SPOCK3: variants seen among roughly 807,000 people sequenced by gnomAD.
SPOCK3 encodes testican-3.
A neutral mutation model predicts 56.6 loss-of-function variants in SPOCK3; 30 were observed. That is an observed-to-expected ratio of 0.53 (90% CI 0.40 to 0.72). The LOEUF (loss-of-function observed/expected upper bound fraction) is 0.72, where lower values mean the gene tolerates loss of function less well. SPOCK3 is among the 30% of genes least tolerant of loss of function. SPOCK3 has a pLI of 0.00. For synonymous variants in SPOCK3, 196 were observed against 183.3 expected (o/e 1.07, Z -0.56); for missense variants, 527 against 530.0 (o/e 0.99, Z 0.06).
intron 3 of SPOCK3, among the ~76,000 whole-genome samples, chr4:167,055,537 C>A (rs1273199200): frequency 2.6e-5 from 4 of 152,148 alleles, no homozygotes; most frequent in African/African-American, 9.6e-5. Context: ...TCAGGGAGTT[C>A]CCTTTCCTAG....
chr4:167,056,047 C>G (rs1295480373), intron 3 of SPOCK3, among the ~76,000 whole-genome samples: 2 of 152,162 alleles, frequency 1.3e-5, no homozygotes, highest in African/African-American at 4.8e-5. Flanking sequence ...AACTGGGAGG[C>G]ACCCCCCAGT....
intron 3 of SPOCK3, among the ~76,000 whole-genome samples, chr4:167,013,060 G>C (rs533628318): frequency 7.2e-5 from 11 of 151,888 alleles, no homozygotes; most frequent in Non-Finnish European, 1.3e-4. Context: ...TACTTCAGTT[G>C]TATAAAATCC....
chr4:167,202,320 T>C (rs1314494020), intron 2 of SPOCK3, among the ~76,000 whole-genome samples: 1 of 151,984 alleles, frequency 6.6e-6, no homozygotes, highest in African/African-American at 2.4e-5. Context: ...TTGATTAAAG[T>C]AGTATATACA....
chr4:167,006,598 C>T (rs148633450), intron 3 of SPOCK3, among the ~76,000 whole-genome samples: 1 of 152,130 alleles, frequency 6.6e-6, no homozygotes, highest in East Asian at 1.9e-4. Context: ...ATTCGCCTAC[C>T]CAGAAAATCA....
intron 2 of SPOCK3, among the ~76,000 whole-genome samples, chr4:167,201,296 T>A (rs750511774): frequency 4.6e-5 from 7 of 151,992 alleles, no homozygotes; most frequent in Non-Finnish European, 7.4e-5. Context: ...GGATTAAAAC[T>A]TATTTGAAAT....
intron 5 of SPOCK3, among the ~76,000 whole-genome samples, chr4:166,897,383 C>A (rs1283163743): frequency 1.3e-5 from 2 of 151,966 alleles, no homozygotes; most frequent in African/African-American, 4.8e-5. Context: ...GGTAGTGTCT[C>A]CTTCTAGAAG....
At chr4:167,102,736 T>C (rs1212534272) in intron 2 of SPOCK3, among the ~76,000 whole-genome samples, 3 of 151,646 alleles carry the variant, frequency 2.0e-5, no homozygotes, top group African/African-American at 7.3e-5. Context: ...ATCCCAGCGG[T>C]TGAAACGTGG....
At chr4:166,967,777 G>A (rs1297879522) in intron 4 of SPOCK3, among the ~76,000 whole-genome samples, 2 of 152,154 alleles carry the variant, frequency 1.3e-5, no homozygotes, top group African/African-American at 4.8e-5. Context: ...AAATGTGGAG[G>A]CAACTTTGGA....
intron 5 of SPOCK3, among the ~76,000 whole-genome samples, chr4:166,908,798 A>C (rs943947567): frequency 6.6e-6 from 1 of 152,070 alleles, no homozygotes; most frequent in African/African-American, 2.4e-5. Flanking sequence ...TCCATGATCT[A>C]ACATAAATGG....
At chr4:166,953,417 T>G (rs1199933640) in intron 4 of SPOCK3, among the ~76,000 whole-genome samples, 2 of 151,246 alleles carry the variant, frequency 1.3e-5, no homozygotes, top group African/African-American at 2.4e-5. Flanking sequence ...ATGGCGATCA[T>G]TAAAAAGTCA....
chr4:166,844,412 T>C (rs548009778), intron 6 of SPOCK3, among the ~76,000 whole-genome samples: 14 of 152,350 alleles, frequency 9.2e-5, no homozygotes, highest in African/African-American at 3.4e-4. Flanking sequence ...AGATGTTTGA[T>C]AAAACATAAT....
intron 2 of SPOCK3, among the ~76,000 whole-genome samples, chr4:167,181,970 A>G (rs1475243328): frequency 2.0e-5 from 3 of 152,174 alleles, no homozygotes; most frequent in Non-Finnish European, 4.4e-5. Context: ...GATGCTCAAT[A>G]AGGTGTTCAG....
chr4:167,062,654 C>A, intron 2 of SPOCK3, 117 bp from the exon 3 acceptor site: 1 of 659,874 alleles, frequency 1.5e-6, no homozygotes, highest in South Asian at 2.1e-5. Flanking sequence ...CTACTTCCTG[C>A]AATGGCAAGC....
At chr4:166,766,246 G>C (rs1192519454) in intron 7 of SPOCK3, among the ~76,000 whole-genome samples, 1 of 152,136 alleles carries the variant, frequency 6.6e-6, no homozygotes. Context: ...TGGTGAGAGA[G>C]AGCATCCCTG....
At chr4:166,810,145 C>T (rs1384470600) in intron 6 of SPOCK3, among the ~76,000 whole-genome samples, 1 of 152,056 alleles carries the variant, frequency 6.6e-6, no homozygotes, top group African/African-American at 2.4e-5. Context: ...AATCATTTAG[C>T]ACAAATCCAA....
intron 2 of SPOCK3, among the ~76,000 whole-genome samples, chr4:167,126,345 C>A (rs549458142): frequency 6.7e-6 from 1 of 150,244 alleles, no homozygotes; most frequent in Non-Finnish European, 1.5e-5. Context: ...GTCAGGAGTT[C>A]GAGACCAGCC....
chr4:167,106,495 G>A (rs1243574950), intron 2 of SPOCK3, among the ~76,000 whole-genome samples: 2 of 151,684 alleles, frequency 1.3e-5, no homozygotes, highest in Admixed American at 1.3e-4. Context: ...GCAGTACTAA[G>A]AGGAAAGTTT....
At chr4:166,819,748 C>CT (rs1217094771) in intron 6 of SPOCK3, among the ~76,000 whole-genome samples, 125 of 145,094 alleles carry the variant, frequency 8.6e-4, no homozygotes, top group African/African-American at 1.2e-3. Flanking sequence ...TTGGAAGACT[C>CT]TTTTTTTTTT....
At chr4:167,149,336 T>A (rs1764218119) in intron 2 of SPOCK3, among the ~76,000 whole-genome samples, 1 of 152,094 alleles carries the variant, frequency 6.6e-6, no homozygotes, top group South Asian at 2.1e-4. Context: ...CTCATTTTAT[T>A]TTTTTTCCCT....
Sources: allele counts gnomAD v4.1 joint callset (sites outside exome capture counted in the v4.1 genomes callset), GRCh38; gene constraint gnomAD v4.1.1; transcripts MANE v1.5; gene names NCBI Gene and HGNC (gene_info 2026-07-23, HGNC 2026-07-21).